CALD1: variants seen among roughly 807,000 people sequenced by gnomAD.
CALD1 encodes the protein caldesmon.
Under a neutral mutation model 99.9 loss-of-function variants are expected in CALD1, and 33 were observed. The observed-to-expected ratio is 0.33, with a 90% CI of 0.25 to 0.44. The LOEUF (loss-of-function observed/expected upper bound fraction) is 0.44. Ranked by LOEUF, CALD1 falls within the 20% of genes least tolerant of loss-of-function variation. The pLI is 1.00. For missense variants in CALD1, 861 were observed against 962.1 expected (o/e 0.89, Z 1.39); for synonymous variants, 310 against 325.0 (o/e 0.95, Z 0.50).
intron 3 of CALD1, chr7:134,891,578 T>C: frequency 6.3e-7 from 1 of 1,585,290 alleles, no homozygotes; most frequent in Non-Finnish European, 8.6e-7. Flanking sequence ...CCTGGCCAGG[T>C]CTCCGTATCT....
intron 3 of CALD1, among the ~76,000 whole-genome samples, chr7:134,886,734 T>A (rs924577489): frequency 6.6e-6 from 1 of 152,216 alleles, no homozygotes; most frequent in African/African-American, 2.4e-5. Flanking sequence ...GATAACAGGA[T>A]AAATTGAGCG....
upstream of CALD1, among the ~76,000 whole-genome samples, chr7:134,739,711 A>G (rs1309716457): frequency 2.0e-5 from 3 of 152,066 alleles, no homozygotes; most frequent in Non-Finnish European, 4.4e-5. Context: ...TTAATGACAC[A>G]TGGAAGGCAG....
intron 1 of CALD1, among the ~76,000 whole-genome samples, chr7:134,781,374 C>A (rs1397265557): frequency 6.6e-6 from 1 of 152,154 alleles, no homozygotes; most frequent in Non-Finnish European, 1.5e-5. Context: ...TGTGCTATGA[C>A]CACTCTCTCC....
At chr7:134,944,913 A>G (rs1806739140) in intron 7 of CALD1, among the ~76,000 whole-genome samples, 1 of 152,204 alleles carries the variant, frequency 6.6e-6, no homozygotes, top group East Asian at 1.9e-4. Context: ...CTGAAGTTCT[A>G]CTTTGAGTAT....
Position 134,904,427 on chromosome 7 carries a change from A to T in CALD1, c.72-24327A>T, listed in dbSNP as rs192841055. On this transcript the variant is annotated intron_variant, in intron 3 of 14. Transcript: ENST00000361675. Reference sequence around the variant, plus strand: ...GAAATCTCGTCTCTACGAAAACTAAAAAAATTAGCTGGGCATGGTGGCACA... The same window carrying T: ...GAAATCTCGTCTCTACGAAAACTAATAAAATTAGCTGGGCATGGTGGCACA... 9.4e-4 allele frequency among the ~76,000 whole-genome samples: 142 copies of T among 151,838 alleles called. 1 individual carries two copies. Among genetic ancestry groups the T allele is most frequent in the African/African-American group, 3.2e-3 (133 of 41,314 alleles).
chr7:134,899,634 T>TTTTTGC (rs1246707688), intron 3 of CALD1, among the ~76,000 whole-genome samples: 1 of 20,006 alleles, frequency 5.0e-5, no homozygotes, highest in Non-Finnish European at 1.0e-4. Context: ...TGATCTTTCT[T>TTTTTGC]TTTTGTTTTT....
At chr7:134,749,566 T>A (rs1796666610) in intron 1 of CALD1, among the ~76,000 whole-genome samples, 2 of 152,010 alleles carry the variant, frequency 1.3e-5, no homozygotes, top group African/African-American at 2.4e-5. Flanking sequence ...TGAGCTAAGA[T>A]CGCGCCATTA....
At position 134,783,054 on chromosome 7, in the gene CALD1, A is replaced by G. The variant is rs545035302; in HGVS notation, c.-130+3305A>G. Among the ~76,000 whole-genome samples the G allele has an allele frequency of 6.6e-6, 1 of 152,330 alleles. No homozygotes were observed. Among genetic ancestry groups the G allele is most frequent in the South Asian group, 2.1e-4 (1 of 4,824 alleles). ...CCAGTGAGAAAGTGCTGACAACAGA[A>G]AGCCCTTAAGTAATTGAGGCAGCTT... On this transcript the variant is annotated intron_variant, in intron 1 of 14. Transcript: ENST00000361675. This position sits in a 1 kb window ranked among gnomAD's most constrained non-coding sequence, Gnocchi z 4.3.
the CALD1 span, among the ~76,000 whole-genome samples, chr7:134,735,565 CTGTGTGTGTGTGTGTGTGTGTG>C: frequency 2.1e-3 from 256 of 121,408 alleles, 1 homozygote; most frequent in African/African-American, 7.6e-3. Context: ...CCACTACCCT[CTGTGTGTGTGTGTGTGTGTGTG>C]TGTGTGTGTG....
At chr7:134,905,963 CTT>C (rs1401439621) in intron 3 of CALD1, among the ~76,000 whole-genome samples, 2 of 105,236 alleles carry the variant, frequency 1.9e-5, no homozygotes, top group East Asian at 3.0e-4. Context: ...GAGTTTTGCT[CTT>C]GTCTCCCATT....
intron 5 of CALD1, among the ~76,000 whole-genome samples, chr7:134,934,403 CTTCTGATTCTGT>C (rs1805791949): frequency 6.6e-6 from 1 of 152,120 alleles, no homozygotes; most frequent in Admixed American, 6.5e-5. Context: ...GGTGTGTTGG[CTTCTGATTCTGT>C]GCTTGCATCT....
intron 7 of CALD1, among the ~76,000 whole-genome samples, chr7:134,942,476 C>T (rs1454606638): frequency 1.3e-5 from 2 of 152,000 alleles, no homozygotes; most frequent in Admixed American, 1.3e-4. Context: ...CATAAAAGAT[C>T]TAAATAAAAT....
At chr7:134,939,267 A>C (rs1223468111) in intron 6 of CALD1, among the ~76,000 whole-genome samples, 1 of 152,226 alleles carries the variant, frequency 6.6e-6, no homozygotes, top group Non-Finnish European at 1.5e-5. Context: ...GTAGCCTCTC[A>C]TGACCCATGA....
At chr7:134,928,990 G>A in intron 4 of CALD1, 90 bp downstream of exon 4, 2 of 1,167,906 alleles carry the variant, frequency 1.7e-6, no homozygotes, top group Non-Finnish European at 2.4e-6. Flanking sequence ...TCCTTTCTCA[G>A]CCCAACTCAA....
At chr7:134,774,086 A>G (rs1562993275) in intron 1 of CALD1, among the ~76,000 whole-genome samples, 1 of 151,500 alleles carries the variant, frequency 6.6e-6, no homozygotes, top group Non-Finnish European at 1.5e-5. Flanking sequence ...AGGAGAATTG[A>G]TTGAACCCAG....
rs373937341 is a variant in CALD1, at chr7:134,797,879, A to C, written c.-130+18130A>C. On this transcript the variant is annotated intron_variant, in intron 1 of 14. Transcript: ENST00000361675. ...AGTGTTTGGATTACAGGCGTGAGCC[A>C]CCATGGCTGGCCAAATTGTTTATTT... Among the ~76,000 whole-genome samples, 3 of 152,216 alleles carry C rather than the reference A, an allele frequency of 2.0e-5. No individual in the cohort carries two copies. In the South Asian group the frequency reaches 6.2e-4, roughly 31 times the overall value.
intron 1 of CALD1, among the ~76,000 whole-genome samples, chr7:134,760,176 G>A (rs1742487602): frequency 6.6e-6 from 1 of 152,208 alleles, no homozygotes; most frequent in Middle Eastern, 3.2e-3. Context: ...AGAGATAGAA[G>A]GGCAAGATTA....
At chr7:134,734,451 T>C in the CALD1 span, among the ~76,000 whole-genome samples, 2 of 152,168 alleles carry the variant, frequency 1.3e-5, no homozygotes, top group African/African-American at 4.8e-5. Context: ...TGGTGAGACA[T>C]GGCTATCTGC....
chr7:134,937,225 G>C (rs903279122), intron 6 of CALD1, among the ~76,000 whole-genome samples: 2 of 152,170 alleles, frequency 1.3e-5, no homozygotes, highest in African/African-American at 4.8e-5. Flanking sequence ...TATGTAGAGT[G>C]TCTGAGAACT....
Sources: gnomAD v4.1 joint callset for allele counts (sites outside exome capture counted in the v4.1 genomes callset) on GRCh38, gnomAD v4.1.1 for gene constraint, Gnocchi (gnomAD v3.1) non-coding constraint, MANE v1.5 for transcripts, NCBI Gene and HGNC (gene_info 2026-07-23, HGNC 2026-07-21) for gene names.